ABCA4: variants seen among roughly 807,000 people sequenced by gnomAD.
ABCA4 encodes the protein retinal-specific phospholipid-transporting ATPase ABCA4.
A neutral mutation model predicts 263.7 loss-of-function variants in ABCA4; 196 were observed. The observed-to-expected ratio is 0.74, with a 90% CI of 0.66 to 0.84. The LOEUF (loss-of-function observed/expected upper bound fraction) is 0.84. Among genes scored for constraint, ABCA4 ranks in the 40% least tolerant of loss-of-function variants. The probability of loss-of-function intolerance (pLI) is 0.00; values close to 1 mark genes in which losing one functional copy is unlikely to be tolerated. For missense variants in ABCA4, 2,792 were observed against 2,855.1 expected (o/e 0.98, Z 0.50); for synonymous variants, 1,133 against 1,094.2 (o/e 1.04, Z -0.70).
intron 6 of ABCA4, among the ~76,000 whole-genome samples, chr1:94,097,033 G>T (rs1212427393): frequency 6.6e-6 from 1 of 152,222 alleles, no homozygotes; most frequent in Non-Finnish European, 1.5e-5. Flanking sequence ...AGGGACCTTT[G>T]TTGCCTCACT....
chr1:94,045,705 G>C (rs1660651807), intron 19 of ABCA4: 2 of 455,104 alleles, frequency 4.4e-6, no homozygotes, highest in South Asian at 3.1e-5. Context: ...TCAACCACTA[G>C]AGGGAAACAG....
rs4147863 is a variant in ABCA4 at position 94,005,598 on chromosome 1, C to A, written c.6006-16G>T. On this transcript the variant is annotated splice_polypyrimidine_tract_variant and intron_variant, in intron 43 of 49. Transcript: ENST00000370225. ...GGTTAAAATACTGCAAGAAAAAAAG[C>A]AATTACTGAGTATCCTTCAAGGAGT... The A allele has an allele frequency of 9.3e-6, 15 of 1,612,348 alleles. No individual in the cohort carries two copies. In the African/African-American group the frequency reaches 2.0e-4, roughly 22 times the overall value.
chr1:94,075,578 C>T (rs1217524429), intron 11 of ABCA4, among the ~76,000 whole-genome samples: 1 of 152,124 alleles, frequency 6.6e-6, no homozygotes, highest in Non-Finnish European at 1.5e-5. Flanking sequence ...CTCAAGAGCA[C>T]CAGGTGACAG....
intron 3 of ABCA4, among the ~76,000 whole-genome samples, chr1:94,110,857 T>G (rs1051850682): frequency 6.6e-5 from 10 of 151,962 alleles, no homozygotes; most frequent in Non-Finnish European, 1.3e-4. Flanking sequence ...AGGCCCACAG[T>G]GAAGAGCCAC....
intron 6 of ABCA4, among the ~76,000 whole-genome samples, chr1:94,095,295 C>A (rs1662093939): frequency 6.6e-6 from 1 of 151,464 alleles, no homozygotes; most frequent in Non-Finnish European, 1.5e-5. Context: ...CGCCCCCCTC[C>A]GATTCTCTGG....
chr1:94,008,380 G>T (rs768053880), intron 41 of ABCA4, 83 bp from the exon 42 acceptor site: 4 of 1,414,954 alleles, frequency 2.8e-6, no homozygotes, highest in Middle Eastern at 1.8e-4. Flanking sequence ...GCAAAGGATG[G>T]TTTAGGAGAA....
chr1:93,998,262 G>C (rs1659068160), intron 47 of ABCA4, 152 bp from the exon 48 acceptor site: 2 of 1,040,628 alleles, frequency 1.9e-6, no homozygotes, highest in African/African-American at 3.2e-5. Flanking sequence ...AGGTAGAGGT[G>C]GGAGGATCAC....
intron 41 of ABCA4, 64 bp from the exon 42 acceptor site, chr1:94,008,361 G>A (rs1659455839): frequency 6.6e-7 from 1 of 1,516,808 alleles, no homozygotes. Flanking sequence ...GGGGAAGAGG[G>A]AACAAAGAGC....
intron 27 of ABCA4, among the ~76,000 whole-genome samples, chr1:94,031,488 G>A (rs1157498962): frequency 7.2e-5 from 11 of 152,194 alleles, no homozygotes; most frequent in Non-Finnish European, 2.9e-5. Flanking sequence ...TAGGGTCACT[G>A]CAAAAATGAA....
At chr1:94,113,725 G>A (rs1662672087) in intron 1 of ABCA4, among the ~76,000 whole-genome samples, 1 of 152,256 alleles carries the variant, frequency 6.6e-6, no homozygotes, top group African/African-American at 2.4e-5. Context: ...CTACCAACAT[G>A]CTTCCTTCAA....
chr1:94,079,685 G>T (rs747636434), intron 8 of ABCA4, among the ~76,000 whole-genome samples: 1 of 152,178 alleles, frequency 6.6e-6, no homozygotes, highest in Non-Finnish European at 1.5e-5. Context: ...CAAAGGATGC[G>T]ACTTGCCCTG....
In ABCA4 at chr1:94,079,307, C is replaced by T; in HGVS notation, c.1239+15G>A. ...AGGTCCAGGGTACACAAGGCAAGCC[C>T]AGCTGGGATCTTACATTCTTCAGTA... On this transcript the variant is annotated intron_variant, in intron 9 of 49. Transcript: ENST00000370225. 6.2e-7 allele frequency: 1 copy of T among 1,614,150 alleles called. No homozygotes were observed. The highest frequency in any genetic ancestry group is 1.1e-5 in the South Asian group (1 of 91,068).
rs4147877 is a variant in ABCA4 at position 94,108,786 on chromosome 1, ATT to A, written c.303-72_303-71del. Reference sequence around the variant, plus strand: ...TATAACAGTAATAATATCTCATGCTATTTTTTTTTTTTATCTCGCTCTGTCAC... The same window carrying A: ...TATAACAGTAATAATATCTCATGCTATTTTTTTTTTATCTCGCTCTGTCAC... On this transcript the variant is annotated intron_variant, in intron 3 of 49. Coordinates refer to ENST00000370225, the MANE Select transcript of ABCA4 (RefSeq NM_000350.3). 1,327 of 1,294,174 alleles carry A rather than the reference ATT, an allele frequency of 1.0e-3. 1 individual carries two copies. The highest frequency in any genetic ancestry group is 2.8e-3 in the East Asian group (103 of 36,710). 80.2% of individuals were successfully genotyped at this position (1,294,174 alleles called of 1,614,324 possible).
At chr1:94,105,956 G>T (rs892495778) in intron 4 of ABCA4, among the ~76,000 whole-genome samples, 3 of 152,228 alleles carry the variant, frequency 2.0e-5, no homozygotes, top group African/African-American at 7.2e-5. Flanking sequence ...TTGGCCTGAG[G>T]AGTCCGTGCT....
intron 1 of ABCA4, among the ~76,000 whole-genome samples, chr1:94,117,629 G>A (rs1570438884): frequency 6.6e-6 from 1 of 152,036 alleles, no homozygotes; most frequent in Non-Finnish European, 1.5e-5. Context: ...TGGAGAGAGC[G>A]CTCGTCATTG....
chr1:94,060,588 G>T lies in ABCA4; in HGVS notation c.2109C>A (p.Asp703Glu). 6.2e-7 allele frequency: 1 copy of T among 1,614,180 alleles called. No individual in the cohort carries two copies. The highest frequency in any genetic ancestry group is 1.1e-5 in the South Asian group (1 of 91,076). Residue 703 changes from aspartate (D) to glutamate (E), a missense_variant, in exon 14 of 50, where the codon GAC (aspartate) becomes GAA (glutamate). Asp to Glu is a conservative substitution (Grantham distance 45). Coordinates refer to ENST00000370225, the MANE Select transcript of ABCA4 (RefSeq NM_000350.3). The part of the protein sequence containing the change: ...NAVIWCTWFL[D>E]SFSIMSMSIF... ...TGCTCATCGACATGATGGAGAAGCT[G>T]TCCAGGAACCAGGTACACCAAATCA...
chr1:94,095,475 G>C (rs1260619989), intron 6 of ABCA4, among the ~76,000 whole-genome samples: 1 of 152,186 alleles, frequency 6.6e-6, no homozygotes, highest in East Asian at 1.9e-4. Context: ...ACGTGCGTAT[G>C]AGAAACAGCC....
At chr1:94,013,315 C>A (rs1659623327) in intron 38 of ABCA4, among the ~76,000 whole-genome samples, 1 of 150,788 alleles carries the variant, frequency 6.6e-6, no homozygotes, top group Admixed American at 6.6e-5. Context: ...AGCCACGAAA[C>A]CCTAACAAGA....
intron 1 of ABCA4, among the ~76,000 whole-genome samples, chr1:94,117,895 G>T (rs1229063315): frequency 1.3e-5 from 2 of 152,194 alleles, no homozygotes; most frequent in Non-Finnish European, 1.5e-5. Flanking sequence ...TCCAGGTCCA[G>T]TGTTGGTTTA....
Sources: gnomAD v4.1 joint callset for allele counts (sites outside exome capture counted in the v4.1 genomes callset) on GRCh38, gnomAD v4.1.1 for gene constraint, MANE v1.5 for transcripts, NCBI Gene and HGNC (gene_info 2026-07-23, HGNC 2026-07-21) for gene names.